Variants in GPRIN3 observed in about 807,000 individuals in gnomAD.
GPRIN3 encodes G protein-regulated inducer of neurite outgrowth 3.
Under a neutral mutation model 13.7 loss-of-function variants are expected in GPRIN3, and 12 were observed. The observed-to-expected ratio is 0.87, with a 90% confidence interval of 0.56 to 1.42. The LOEUF (loss-of-function observed/expected upper bound fraction) is 1.42. Ranked by LOEUF, GPRIN3 falls within the 40% of genes most tolerant of loss-of-function variation. The probability of loss-of-function intolerance (pLI) is 0.00; values close to 1 mark genes in which losing one functional copy is unlikely to be tolerated. For synonymous variants in GPRIN3, 377 were observed against 372.7 expected (o/e 1.01, Z -0.13); for missense variants, 1,009 against 958.7 (o/e 1.05, Z -0.69).
chr4:89,241,865 A>C lies in GPRIN3; in HGVS notation c.*5915T>G, dbSNP rs540681060. 2.0e-5 allele frequency: 3 copies of C among 152,324 alleles called. No individual in the cohort carries two copies. The East Asian group carries it at 5.8e-4, about 29-fold the overall frequency. 9.4% of individuals were successfully genotyped at this position (152,324 alleles called of 1,614,324 possible). A position where few individuals can be genotyped will look rare whatever the true frequency, so the allele number is the denominator to read the frequency against. The stretch of plus-strand genomic sequence containing the variant: ...CATGTTATTAAAAGCAATGATATGA[A>C]TCAGAAAAAAAACTGTTTAACTGCT... On this transcript the variant is annotated 3_prime_UTR_variant, in exon 2 of 2. Coordinates refer to ENST00000609438, the MANE Select transcript of GPRIN3 (RefSeq NM_198281.3).
chr4:89,262,611 A>G (rs1001002253), intron 1 of GPRIN3, among the ~76,000 whole-genome samples: 18 of 152,210 alleles, frequency 1.2e-4, no homozygotes, highest in Non-Finnish European at 2.5e-4. Flanking sequence ...CAGCCTGGCC[A>G]TGCAACTAAG....
chr4:89,268,808 T>C lies in GPRIN3; in HGVS notation c.-123-18575A>G, dbSNP rs181822595. 2.0e-3 allele frequency among the ~76,000 whole-genome samples: 301 copies of C among 152,280 alleles called. 12 individuals are homozygous for C. The South Asian group carries it at 0.056, about 28-fold the overall frequency. ...TGTAGGTAGCTTGAAATCGGGCCACTGAGGGAATATTCACACCCCAGAATT... is the reference window on the plus strand; with the variant it reads ...TGTAGGTAGCTTGAAATCGGGCCACCGAGGGAATATTCACACCCCAGAATT... On this transcript the variant is annotated intron_variant, in intron 1 of 1. Coordinates refer to ENST00000609438, the MANE Select transcript of GPRIN3 (RefSeq NM_198281.3).
intron 1 of GPRIN3, among the ~76,000 whole-genome samples, chr4:89,292,557 G>A (rs207464861): frequency 1.3e-5 from 2 of 151,970 alleles, no homozygotes; most frequent in Admixed American, 1.3e-4. Context: ...AAGTGAGTTG[G>A]GGCAAAAAAG....
At position 89,248,025 on chromosome 4, in the gene GPRIN3, A is replaced by G. The variant is rs776346395; in HGVS notation, c.2086T>C (p.Tyr696His). ...GACTCTGCGTCCAAGGATGCACCAT[A>G]CACTTCCCAGGTCATTCCCTGCTCA... ...WDEQGMTWEV[Y>H]GASLDAESLG... The change falls in exon 2 of 2, where the codon TAT becomes CAT. Residue 696 changes from tyrosine to histidine, a missense_variant. Physicochemically the swap from Tyr to His is moderately conservative, Grantham distance 83. Coordinates refer to ENST00000609438, the MANE Select transcript of GPRIN3 (RefSeq NM_198281.3). 6.2e-7 allele frequency: 1 copy of G among 1,614,080 alleles called. No homozygotes were observed. The highest frequency in any genetic ancestry group is 8.5e-7 in the Non-Finnish European group (1 of 1,180,002).
chr4:89,270,250 T>C (rs1051707936), intron 1 of GPRIN3, among the ~76,000 whole-genome samples: 7 of 152,008 alleles, frequency 4.6e-5, no homozygotes, highest in Admixed American at 1.3e-4. Flanking sequence ...TAGATTAATA[T>C]TGATGACTTG....
chr4:89,261,025 C>G (rs372676702), intron 1 of GPRIN3, among the ~76,000 whole-genome samples: 3 of 152,228 alleles, frequency 2.0e-5, no homozygotes, highest in East Asian at 1.9e-4. Context: ...CCCCCGCCCC[C>G]CAATGTCCTA....
rs1325865310 is a variant in GPRIN3, at chr4:89,248,185, G to A, written c.1926C>T (p.Leu642=). ...CTGTCACATTTAACTTTTGCTCCTT[G>A]AGGAACTCGCTGACGCGGCTGGGCC... ...PRRPSRVSEF[L]KEQKLNVTAA... The change falls in exon 2 of 2, where the codon CTC becomes CTT. Residue 642 remains leucine, a synonymous_variant. Transcript: ENST00000609438. The A allele has an allele frequency of 6.2e-7, 1 of 1,614,160 alleles. No homozygotes were observed. Among genetic ancestry groups the A allele is most frequent in the East Asian group, 2.2e-5 (1 of 44,874 alleles).
Position 89,248,419 on chromosome 4 carries a change from G to C in GPRIN3, c.1692C>G (p.Leu564=). The change falls in exon 2 of 2, where the codon CTC becomes CTG. Residue 564 remains leucine, a synonymous_variant. Transcript: ENST00000609438. ...TDTSDAKTLL[L]NPKSQESGGT... is the part of the protein sequence containing the mutation. The stretch of plus-strand genomic sequence containing the variant: ...CTCCACTTTCTTGGGATTTAGGATT[G>C]AGCAGTAGGGTTTTGGCATCCGAGG... 1 of 1,614,158 alleles carries C rather than the reference G, an allele frequency of 6.2e-7. No individual in the cohort carries two copies. The highest frequency in any genetic ancestry group is 8.5e-7 in the Non-Finnish European group (1 of 1,180,028).
rs1196364793 is a variant in GPRIN3 at position 89,248,882 on chromosome 4, A to G, written c.1229T>C (p.Leu410Pro). Reference sequence around the variant, plus strand: ...AAGGACCCCACCTGGTAGGCTCGCAAGTTTATTTTCCCGTTGGAAAGCTGT... The same window carrying G: ...AAGGACCCCACCTGGTAGGCTCGCAGGTTTATTTTCCCGTTGGAAAGCTGT... ...ESTAFQRENK[L>P]ASLPGGVLKT... The change falls in exon 2 of 2, where the codon CTT becomes CCT. Residue 410 changes from leucine (L) to proline (P), a missense_variant. Transcript: ENST00000609438. 1.9e-6 allele frequency: 3 copies of G among 1,614,106 alleles called. No homozygotes were observed. The East Asian group carries it at 6.7e-5, about 36-fold the overall frequency.
chr4:89,248,978 G>C lies in GPRIN3; in HGVS notation c.1133C>G (p.Ala378Gly). The C allele has an allele frequency of 6.2e-7, 1 of 1,614,194 alleles. No homozygotes were observed. The highest frequency in any genetic ancestry group is 8.5e-7 in the Non-Finnish European group (1 of 1,180,024). ...AGGGCACTGGCTGGACTCCTGGGGG[G>C]CTAGCGTGCTGTCAGAGAGCTCCAG... ...HTLELSDSTL[A>G]PQESSQCPGI... The change falls in exon 2 of 2, where the codon GCC becomes GGC. Residue 378 changes from alanine (A) to glycine (G), a missense_variant. Ala to Gly is a moderately conservative substitution (Grantham distance 60). Coordinates refer to ENST00000609438, the MANE Select transcript of GPRIN3 (RefSeq NM_198281.3).
chr4:89,287,216 T>G (rs766781850), intron 1 of GPRIN3, among the ~76,000 whole-genome samples: 29 of 152,230 alleles, frequency 1.9e-4, no homozygotes, highest in Non-Finnish European at 3.1e-4. Flanking sequence ...GAAAAATAAC[T>G]CTTGTACTAG....
chr4:89,252,621 A>C (rs905522494), intron 1 of GPRIN3, among the ~76,000 whole-genome samples: 5 of 152,220 alleles, frequency 3.3e-5, no homozygotes, highest in African/African-American at 1.2e-4. Context: ...CCTTTAGCTC[A>C]ATGTAATCCA....
rs908319837 is a variant in GPRIN3, at chr4:89,248,019, C to T, written c.2092G>A (p.Ala698Thr). The stretch of plus-strand genomic sequence containing the variant: ...CCCAGGGACTCTGCGTCCAAGGATG[C>T]ACCATACACTTCCCAGGTCATTCCC... ...EQGMTWEVYG[A>T]SLDAESLGIA... is the part of the protein sequence containing the mutation. Residue 698 changes from alanine (A) to threonine (T), a missense_variant, in exon 2 of 2, where the codon GCA becomes ACA. By Grantham distance (58) the Ala-to-Thr change is moderately conservative. Transcript: ENST00000609438. The T allele has an allele frequency of 6.2e-7, 1 of 1,614,160 alleles. No homozygotes were observed. The highest frequency in any genetic ancestry group is 1.1e-5 in the South Asian group (1 of 91,090).
chr4:89,287,892 G>T (rs1286745480), intron 1 of GPRIN3, among the ~76,000 whole-genome samples: 1 of 152,122 alleles, frequency 6.6e-6, no homozygotes, highest in Non-Finnish European at 1.5e-5. Flanking sequence ...TGATAATCTT[G>T]ATTTTTACTG....
chr4:89,241,306 A>G lies in GPRIN3; in HGVS notation c.*6474T>C, dbSNP rs995150340. Reference sequence around the variant, plus strand: ...GTGCACACTTTTGTTGGCTTTATTCATGTATGTACATATGCCTGCCTGAAT... The same window carrying G: ...GTGCACACTTTTGTTGGCTTTATTCGTGTATGTACATATGCCTGCCTGAAT... On this transcript the variant is annotated 3_prime_UTR_variant, in exon 2 of 2. Coordinates refer to ENST00000609438, the MANE Select transcript of GPRIN3 (RefSeq NM_198281.3). The G allele has an allele frequency of 2.0e-5, 3 of 152,174 alleles. No homozygotes were observed. Among genetic ancestry groups the G allele is most frequent in the Admixed American group, 1.3e-4 (2 of 15,280 alleles). The allele number at this position is 152,174 out of a possible 1,614,324, so 9.4% of individuals were successfully genotyped here.
At chr4:89,253,529 G>A (rs534072386) in intron 1 of GPRIN3, among the ~76,000 whole-genome samples, 7 of 152,248 alleles carry the variant, frequency 4.6e-5, no homozygotes, top group East Asian at 3.9e-4. Flanking sequence ...AAGTTAATTC[G>A]CCAAAGAGGA....
Position 89,304,898 on chromosome 4 carries a change from G to A in GPRIN3, c.-124+2717C>T, listed in dbSNP as rs562208465. Among the ~76,000 whole-genome samples the A allele has an allele frequency of 5.9e-5, 9 of 152,192 alleles. No individual in the cohort carries two copies. The South Asian group carries it at 1.9e-3, about 32-fold the overall frequency. ...TATGCAAAGTAGGTGGTAGACATTT[G>A]TAGATGAAATATTTGAGCCAAAAAT... is the stretch of plus-strand genomic sequence containing the variant. On this transcript the variant is annotated intron_variant, in intron 1 of 1. Transcript: ENST00000609438.
intron 1 of GPRIN3, among the ~76,000 whole-genome samples, chr4:89,261,911 A>G (rs569518896): frequency 4.8e-4 from 73 of 152,148 alleles, no homozygotes; most frequent in African/African-American, 1.6e-3. Flanking sequence ...TAGGAGTTCA[A>G]GACCAGCCTG....
intron 1 of GPRIN3, among the ~76,000 whole-genome samples, chr4:89,261,955 T>TACAC (rs544004575): frequency 6.6e-6 from 1 of 150,744 alleles, no homozygotes; most frequent in East Asian, 2.0e-4. Flanking sequence ...CTACTAAAAA[T>TACAC]ACACACACAC....
Sources: gnomAD v4.1 joint callset for allele counts (sites outside exome capture counted in the v4.1 genomes callset) on GRCh38, gnomAD v4.1.1 for gene constraint, MANE v1.5 for transcripts, NCBI Gene and HGNC (gene_info 2026-07-23, HGNC 2026-07-21) for gene names.